MED13L: variants seen among roughly 807,000 people sequenced by gnomAD.
MED13L encodes mediator of RNA polymerase II transcription subunit 13-like.
A neutral mutation model predicts 220.9 loss-of-function variants in MED13L; 7 were observed. That is an observed-to-expected ratio of 0.03 (90% CI 0.02 to 0.06). MED13L has a LOEUF of 0.06. MED13L is among the 10% of genes least tolerant of loss of function. The probability of loss-of-function intolerance (pLI) is 1.00; values close to 1 mark genes in which losing one functional copy is unlikely to be tolerated. For synonymous variants in MED13L, 1,011 were observed against 1,015.2 expected (o/e 1.00, Z 0.08); for missense variants, 1,965 against 2,760.5 (o/e 0.71, Z 6.46).
chr12:116,184,670 TC>T (rs1231298321), intron 2 of MED13L, among the ~76,000 whole-genome samples: 3 of 152,170 alleles, frequency 2.0e-5, no homozygotes, highest in Non-Finnish European at 4.4e-5. Flanking sequence ...GAACTACTTT[TC>T]TGATGTCAAA....
intron 2 of MED13L, chr12:116,232,061 C>T (rs192746339): frequency 2.8e-5 from 28 of 983,044 alleles, no homozygotes; most frequent in Middle Eastern, 5.2e-4. Context: ...TATCTTACAC[C>T]GTGGTCACTG....
intron 4 of MED13L, among the ~76,000 whole-genome samples, chr12:116,078,975 C>G (rs747819171): frequency 1.3e-5 from 2 of 152,146 alleles, no homozygotes; most frequent in Non-Finnish European, 2.9e-5. Flanking sequence ...ACTCTTTCTC[C>G]AAGTGTACAG....
At chr12:116,093,694 T>C (rs1396536607) in intron 4 of MED13L, among the ~76,000 whole-genome samples, 1 of 152,004 alleles carries the variant, frequency 6.6e-6, no homozygotes, top group African/African-American at 2.4e-5. Flanking sequence ...ATGCTAAGAT[T>C]ATAGATATTA....
At chr12:116,031,725 GAAAAGAAAAGAAAAGAAAAGA>G (rs1880801186) in intron 4 of MED13L, among the ~76,000 whole-genome samples, 25 of 66,990 alleles carry the variant, frequency 3.7e-4, no homozygotes, top group South Asian at 1.8e-3. Context: ...GAAAAGAAAA[GAAAAGAAAAGAAAAGAAAAGA>G]AAAGAAAAGA....
At chr12:116,126,459 C>T (rs748999127) in intron 2 of MED13L, among the ~76,000 whole-genome samples, 1 of 152,148 alleles carries the variant, frequency 6.6e-6, no homozygotes, top group African/African-American at 2.4e-5. Flanking sequence ...GAGTCCTGTG[C>T]AAGAGCCCCA....
At position 115,983,560 on chromosome 12, in the gene MED13L, G is replaced by A. The variant is rs1877486276; in HGVS notation, c.4532-20C>T. ...AAGGTGCTGAAAGAATACATGCAAA[G>A]AGGTGACTTTAGTGATATTCTGCAG... On this transcript the variant is annotated intron_variant, in intron 20 of 30. Transcript: ENST00000281928. 1 of 1,613,438 alleles carries A rather than the reference G, an allele frequency of 6.2e-7. No individual in the cohort carries two copies. Among genetic ancestry groups the A allele is most frequent in the Admixed American group, 1.7e-5 (1 of 59,990 alleles).
intron 2 of MED13L, among the ~76,000 whole-genome samples, chr12:116,195,672 A>T (rs926254307): frequency 1.3e-5 from 2 of 151,908 alleles, no homozygotes; most frequent in Non-Finnish European, 2.9e-5. Flanking sequence ...GCTGGTCTTG[A>T]ACTCCTGACC....
At chr12:116,265,850 G>C (rs1872791532) in intron 1 of MED13L, among the ~76,000 whole-genome samples, 1 of 152,148 alleles carries the variant, frequency 6.6e-6, no homozygotes, top group African/African-American at 2.4e-5. Context: ...AAATTGTCAA[G>C]CTTCCAAAGA....
At chr12:116,125,212 C>T (rs939399679) in intron 2 of MED13L, among the ~76,000 whole-genome samples, 1 of 152,126 alleles carries the variant, frequency 6.6e-6, no homozygotes, top group Admixed American at 6.6e-5. Flanking sequence ...GGCAGGAGCC[C>T]ATAATCCCAG....
At chr12:115,988,295 A>G (rs1454540264) in intron 17 of MED13L, among the ~76,000 whole-genome samples, 1 of 152,184 alleles carries the variant, frequency 6.6e-6, no homozygotes, top group Non-Finnish European at 1.5e-5. Flanking sequence ...TAAACTTTGG[A>G]ACAAATCACT....
At chr12:116,025,053 T>C (rs113566695) in intron 4 of MED13L, among the ~76,000 whole-genome samples, 1,603 of 152,252 alleles carry the variant, frequency 0.011, 16 homozygotes, top group Non-Finnish European at 0.014. Context: ...TGAAGTCAGG[T>C]AGTGTGATGT....
At chr12:116,000,859 C>A (rs140223550) in intron 14 of MED13L, among the ~76,000 whole-genome samples, 54 of 152,132 alleles carry the variant, frequency 3.5e-4, no homozygotes, top group African/African-American at 1.3e-3. Context: ...ACTGGCCACA[C>A]GTGGCTACTG....
At chr12:116,131,255 G>A (rs1294043879) in intron 2 of MED13L, among the ~76,000 whole-genome samples, 1 of 152,162 alleles carries the variant, frequency 6.6e-6, no homozygotes. Flanking sequence ...TTTATTTATG[G>A]AAATTATACA....
At chr12:116,168,113 A>C (rs1286214344) in intron 2 of MED13L, among the ~76,000 whole-genome samples, 2 of 152,200 alleles carry the variant, frequency 1.3e-5, no homozygotes, top group Non-Finnish European at 2.9e-5. Flanking sequence ...GAACCAATCT[A>C]ATCTTGTGTA....
At chr12:116,197,628 T>C (rs1881720090) in intron 2 of MED13L, among the ~76,000 whole-genome samples, 1 of 152,014 alleles carries the variant, frequency 6.6e-6, no homozygotes, top group Non-Finnish European at 1.5e-5. Flanking sequence ...TAGCCGGACA[T>C]GGTGGCGCAT....
At chr12:116,070,365 T>C (rs1870273343) in intron 4 of MED13L, among the ~76,000 whole-genome samples, 1 of 152,224 alleles carries the variant, frequency 6.6e-6, no homozygotes, top group Admixed American at 6.5e-5. Flanking sequence ...TTAAATGAGG[T>C]ATTTAATCAG....
chr12:116,093,794 T>C (rs1275485097), intron 4 of MED13L, among the ~76,000 whole-genome samples: 1 of 152,142 alleles, frequency 6.6e-6, no homozygotes, highest in African/African-American at 2.4e-5. Flanking sequence ...TGTTTAGCAC[T>C]GGGCAACAGG....
At chr12:116,170,613 T>G (rs113068059) in intron 2 of MED13L, among the ~76,000 whole-genome samples, 3 of 150,890 alleles carry the variant, frequency 2.0e-5, no homozygotes, top group African/African-American at 4.9e-5. Flanking sequence ...TTTTTGTTTT[T>G]TTTTTTTTTT....
In MED13L at chr12:116,277,164, C is replaced by A; in HGVS notation, c.-33G>T. On this transcript the variant is annotated 5_prime_UTR_variant, in exon 1 of 31. It removes an upstream start codon present in the reference 5' UTR. Transcript: ENST00000281928. ...CGCGAGCCCGGCCGCCAGAGCGGGG[C>A]ATGTCGGAGCGAGGCGTCCGAGGCG... 6.6e-7 allele frequency: 1 copy of A among 1,523,210 alleles called. No individual in the cohort carries two copies. The highest frequency in any genetic ancestry group is 8.8e-7 in the Non-Finnish European group (1 of 1,131,582). The allele number at this position is 1,523,210 out of a possible 1,614,324, so 94.4% of individuals were successfully genotyped here.
Sources: allele counts gnomAD v4.1 joint callset (sites outside exome capture counted in the v4.1 genomes callset), GRCh38; gene constraint gnomAD v4.1.1; transcripts MANE v1.5; gene names NCBI Gene and HGNC (gene_info 2026-07-23, HGNC 2026-07-21).